The following KIAA1671 variants were observed in gnomAD, a reference collection of about 807,000 sequenced individuals.
KIAA1671 encodes the protein KIAA1671, also known as uncharacterized protein KIAA1671.
A neutral mutation model predicts 131.2 loss-of-function variants in KIAA1671; 52 were observed. That is an observed-to-expected ratio of 0.40 (90% confidence interval 0.32 to 0.50). The LOEUF (loss-of-function observed/expected upper bound fraction) is 0.50. Among genes scored for constraint, KIAA1671 ranks in the 20% least tolerant of loss-of-function variants. The probability of loss-of-function intolerance (pLI) is 0.73; values close to 1 mark genes in which losing one functional copy is unlikely to be tolerated. For missense variants in KIAA1671, 2,360 were observed against 2,364.2 expected (o/e 1.00, Z 0.04); for synonymous variants, 1,003 against 961.6 (o/e 1.04, Z -0.80).
At chr22:24,953,069 G>A (rs963956778) in intron 1 of KIAA1671, among the ~76,000 whole-genome samples, 2 of 152,170 alleles carry the variant, frequency 1.3e-5, no homozygotes, top group Non-Finnish European at 2.9e-5. Context: ...AATGGATCAC[G>A]TGCCACCTGG....
intron 1 of KIAA1671, among the ~76,000 whole-genome samples, chr22:24,995,150 A>G (rs1924052045): frequency 1.3e-5 from 2 of 150,136 alleles, no homozygotes; most frequent in South Asian, 2.1e-4. Flanking sequence ...TCCCGGGTTC[A>G]CGCCATTCTC....
intron 6 of KIAA1671, among the ~76,000 whole-genome samples, chr22:25,091,100 C>G (rs575348301): frequency 3.4e-4 from 52 of 152,234 alleles, no homozygotes; most frequent in African/African-American, 1.2e-3. Context: ...CTCTGTCACC[C>G]AGGCTGGAGT....
At chr22:25,075,798 C>CA (rs1929074528) in intron 6 of KIAA1671, among the ~76,000 whole-genome samples, 1 of 124,648 alleles carries the variant, frequency 8.0e-6, no homozygotes, top group Non-Finnish European at 1.6e-5. Context: ...TTTTTTGAGA[C>CA]AAAGTCTCAC....
At chr22:25,057,403 GTTCCTT>G (rs138362074) in intron 6 of KIAA1671, 32,028 of 152,162 alleles carry the variant, frequency 0.21, 3,493 homozygotes, top group Middle Eastern at 0.28. Context: ...AGGGACACCT[GTTCCTT>G]GCAAAGCCTC....
chr22:24,989,530 G>T (rs1923726761), intron 1 of KIAA1671, among the ~76,000 whole-genome samples: 1 of 152,136 alleles, frequency 6.6e-6, no homozygotes. Flanking sequence ...AAGGGAGCTA[G>T]GGCTGCATGG....
intron 1 of KIAA1671, among the ~76,000 whole-genome samples, chr22:24,985,498 C>T (rs970369833): frequency 3.3e-4 from 50 of 152,202 alleles, no homozygotes; most frequent in Admixed American, 2.4e-3. Flanking sequence ...CGCCACCGCG[C>T]CCGGCTAATT....
intron 6 of KIAA1671, among the ~76,000 whole-genome samples, chr22:25,118,555 T>G (rs1190444096): frequency 6.6e-6 from 1 of 152,162 alleles, no homozygotes; most frequent in Non-Finnish European, 1.5e-5. Context: ...CCTCCCAAAG[T>G]GCTGGGATTA....
chr22:25,000,484 C>T (rs1479114930), intron 1 of KIAA1671, among the ~76,000 whole-genome samples: 1 of 77,052 alleles, frequency 1.3e-5, no homozygotes, highest in African/African-American at 5.0e-5. Context: ...TGAGCCACCG[C>T]GCCCGGCCTT....
At chr22:24,997,218 CAG>C (rs970640509) in intron 1 of KIAA1671, among the ~76,000 whole-genome samples, 15 of 152,172 alleles carry the variant, frequency 9.9e-5, no homozygotes, top group African/African-American at 2.7e-4. Flanking sequence ...CACAAAGAAA[CAG>C]AGAGTTCTGG....
chr22:25,177,557 A>ATTG, intron 9 of KIAA1671, 35 bp downstream of exon 9: 1 of 1,520,410 alleles, frequency 6.6e-7, no homozygotes, highest in Non-Finnish European at 8.9e-7. Context: ...CAGATAGCAC[A>ATTG]TTGAACAGCA....
intron 1 of KIAA1671, among the ~76,000 whole-genome samples, chr22:25,004,749 A>T (rs1924654001): frequency 6.6e-6 from 1 of 151,932 alleles, no homozygotes; most frequent in Non-Finnish European, 1.5e-5. Flanking sequence ...GTTCGAGACC[A>T]TCCTGGCTAA....
At chr22:25,186,602 TAAAAA>T (rs1038254986) in intron 11 of KIAA1671, among the ~76,000 whole-genome samples, 1 of 151,606 alleles carries the variant, frequency 6.6e-6, no homozygotes, top group Non-Finnish European at 1.5e-5. Flanking sequence ...CCTCTCTAAT[TAAAAA>T]AAAGAAGCTT....
rs1000704051 is a variant in KIAA1671 at position 25,174,492 on chromosome 22, A to C, written c.4899+3A>C. 1 of 1,506,260 alleles carries C rather than the reference A, an allele frequency of 6.6e-7. No homozygotes were observed. Among genetic ancestry groups the C allele is most frequent in the Non-Finnish European group, 8.9e-7 (1 of 1,122,496 alleles). 93.3% of individuals were successfully genotyped at this position (1,506,260 alleles called of 1,614,324 possible). ...TAGATGACTTCTCCTTCATTGATGTAAGTCAGTGGCCAGGAGCATTTCTTC... is the reference window on the plus strand; with the variant it reads ...TAGATGACTTCTCCTTCATTGATGTCAGTCAGTGGCCAGGAGCATTTCTTC... On this transcript the variant is annotated splice_donor_region_variant and intron_variant, in intron 8 of 12. Transcript: ENST00000358431.
chr22:25,122,046 CT>C (rs1400348790), intron 6 of KIAA1671, among the ~76,000 whole-genome samples: 1 of 152,106 alleles, frequency 6.6e-6, no homozygotes, highest in Non-Finnish European at 1.5e-5. Flanking sequence ...GGTAGTTTTC[CT>C]ACTTTTTTAA....
intron 6 of KIAA1671, among the ~76,000 whole-genome samples, chr22:25,096,953 C>T (rs894654267): frequency 6.6e-6 from 1 of 152,226 alleles, no homozygotes; most frequent in Non-Finnish European, 1.5e-5. Context: ...ATCAATAACT[C>T]GTTCCCTTTA....
intron 6 of KIAA1671, chr22:25,111,912 A>G: frequency 3.8e-6 from 1 of 261,978 alleles, no homozygotes; most frequent in Non-Finnish European, 7.2e-6. Context: ...TGTTGACTTT[A>G]TAACTCCGCT....
chr22:25,168,566 G>A lies in KIAA1671; in HGVS notation c.4531-2254G>A, dbSNP rs148529779. Among the ~76,000 whole-genome samples, 90 of 152,242 alleles carry A rather than the reference G, an allele frequency of 5.9e-4. 1 individual carries two copies. The highest frequency in any genetic ancestry group is 2.1e-3 in the African/African-American group (87 of 41,536). ...AAATTAGCCAGGCATGGTGGTGTGT[G>A]CCTGTAATCCCAGCTACTAAGGAGG... On this transcript the variant is annotated intron_variant, in intron 6 of 12. Transcript: ENST00000358431.
chr22:24,990,501 C>G (rs1249731695), intron 1 of KIAA1671, among the ~76,000 whole-genome samples: 10 of 152,198 alleles, frequency 6.6e-5, no homozygotes, highest in African/African-American at 2.4e-4. Flanking sequence ...CCCACACACA[C>G]CATGCACACA....
At chr22:25,148,053 CTCTTT>C (rs1254910917) in intron 6 of KIAA1671, among the ~76,000 whole-genome samples, 3 of 133,216 alleles carry the variant, frequency 2.3e-5, no homozygotes, top group African/African-American at 9.2e-5. Context: ...TCTCTCTTCT[CTCTTT>C]TTTTTTCTCC....
Sources: gnomAD v4.1 joint callset for allele counts (sites outside exome capture counted in the v4.1 genomes callset) on GRCh38, gnomAD v4.1.1 for gene constraint, MANE v1.5 for transcripts, NCBI Gene and HGNC (gene_info 2026-07-23, HGNC 2026-07-21) for gene names.